Variants in PTPRK observed in about 807,000 individuals in gnomAD.
PTPRK encodes the protein protein tyrosine phosphatase receptor type K.
PTPRK carries 75 observed loss-of-function variants against 178.0 expected under a neutral mutation model. The ratio of observed to expected loss-of-function variants is 0.42; its 90% CI spans 0.35 to 0.51. The LOEUF (loss-of-function observed/expected upper bound fraction) is 0.51. Among genes scored for constraint, PTPRK ranks in the 20% least tolerant of loss-of-function variants. The pLI is 0.02. For missense variants in PTPRK, 1,441 were observed against 1,797.8 expected, an observed-to-expected ratio of 0.80 and a Z score of 3.59; for synonymous variants, 637 against 620.6, an observed-to-expected ratio of 1.03 and a Z score of -0.39.
chr6:128,241,355 C>G, intron 4 of PTPRK: 1 of 527,202 alleles, frequency 1.9e-6, no homozygotes, highest in Non-Finnish European at 3.9e-6. Flanking sequence ...TCAGGCCCCA[C>G]CCCAGACCTA....
intron 13 of PTPRK, among the ~76,000 whole-genome samples, chr6:128,031,281 T>C (rs1325777223): frequency 2.6e-5 from 4 of 152,202 alleles, no homozygotes; most frequent in African/African-American, 9.7e-5. Context: ...CACGACTGCT[T>C]TGTAGAACCC....
chr6:127,990,209 TC>T (rs1431654587), intron 21 of PTPRK, among the ~76,000 whole-genome samples: 1 of 152,108 alleles, frequency 6.6e-6, no homozygotes, highest in East Asian at 1.9e-4. Context: ...ATTTTGTATT[TC>T]TTTCCCCTTC....
At position 128,125,602 on chromosome 6, in the gene PTPRK, C is replaced by CTTT. The variant is rs869038931; in HGVS notation, c.1163-35613_1163-35611dup. Among the ~76,000 whole-genome samples, 9 of 68,380 alleles carry CTTT rather than the reference C, an allele frequency of 1.3e-4. 1 individual carries two copies. Among genetic ancestry groups the CTTT allele is most frequent in the South Asian group, 4.3e-4 (1 of 2,306 alleles). The allele number at this position is 68,380 out of a possible 152,430, so 44.9% of individuals were successfully genotyped here. On this transcript the variant is annotated intron_variant, in intron 7 of 29. Coordinates refer to ENST00000368226, the MANE Select transcript of PTPRK (RefSeq NM_002844.4). ...CTAATACACTTGCCTTTGGGCTTTTCTTTTTTTTTTTTTTTTTTTTTTTTT... is the reference window on the plus strand; with the variant it reads ...CTAATACACTTGCCTTTGGGCTTTTCTTTTTTTTTTTTTTTTTTTTTTTTTTTT...
chr6:128,278,301 T>G (rs1297092364), intron 3 of PTPRK, among the ~76,000 whole-genome samples: 2 of 151,872 alleles, frequency 1.3e-5, no homozygotes, highest in Non-Finnish European at 2.9e-5. Flanking sequence ...GGATTACAGG[T>G]GCACACCACC....
intron 18 of PTPRK, among the ~76,000 whole-genome samples, chr6:127,994,642 G>A (rs1398786344): frequency 6.6e-6 from 1 of 151,666 alleles, no homozygotes; most frequent in Non-Finnish European, 1.5e-5. Flanking sequence ...TCTATATTTT[G>A]TTTGATAATT....
At chr6:127,994,513 C>T (rs547319232) in intron 18 of PTPRK, among the ~76,000 whole-genome samples, 2 of 151,852 alleles carry the variant, frequency 1.3e-5, no homozygotes, top group East Asian at 3.9e-4. Flanking sequence ...TTATTATCCC[C>T]ACTGCAAAGA....
chr6:128,314,089 C>T (rs2027311), intron 3 of PTPRK, among the ~76,000 whole-genome samples: 123,877 of 152,040 alleles, frequency 0.81, 52,960 homozygotes, highest in East Asian at 0.99. Context: ...AAGGTATTTC[C>T]CCTGATCTCT....
intron 7 of PTPRK, among the ~76,000 whole-genome samples, chr6:128,159,208 G>C (rs1434641222): frequency 6.6e-6 from 1 of 151,674 alleles, no homozygotes; most frequent in Non-Finnish European, 1.5e-5. Context: ...CAGAAAAAAA[G>C]AAATTCTGAA....
At chr6:128,173,278 T>C (rs543548490) in intron 7 of PTPRK, among the ~76,000 whole-genome samples, 10 of 152,122 alleles carry the variant, frequency 6.6e-5, no homozygotes, top group East Asian at 3.9e-4. Context: ...TATTTTTAAG[T>C]TATCTCTATG....
At chr6:128,173,045 C>T (rs1800534351) in intron 7 of PTPRK, among the ~76,000 whole-genome samples, 1 of 151,884 alleles carries the variant, frequency 6.6e-6, no homozygotes, top group Non-Finnish European at 1.5e-5. Flanking sequence ...TAGAAATATG[C>T]TCAACACACA....
chr6:128,269,005 G>A (rs1413704406), intron 3 of PTPRK, among the ~76,000 whole-genome samples: 10 of 151,852 alleles, frequency 6.6e-5, no homozygotes, highest in Non-Finnish European at 7.4e-5. Flanking sequence ...CATTCCTGAA[G>A]GGAATAATTA....
intron 5 of PTPRK, among the ~76,000 whole-genome samples, chr6:128,228,428 C>G (rs1417778475): frequency 6.8e-6 from 1 of 148,122 alleles, no homozygotes; most frequent in Non-Finnish European, 1.5e-5. Flanking sequence ...AGGTTGATCA[C>G]GAGGACAGGA....
At chr6:128,235,486 A>G (rs1813080688) in intron 5 of PTPRK, 2 of 377,890 alleles carry the variant, frequency 5.3e-6, no homozygotes, top group Non-Finnish European at 1.1e-5. Context: ...CATAGCTTCA[A>G]GTTATGAATC....
chr6:128,264,348 A>C (rs1291262648), intron 3 of PTPRK, among the ~76,000 whole-genome samples: 1 of 152,216 alleles, frequency 6.6e-6, no homozygotes, highest in East Asian at 1.9e-4. Flanking sequence ...CAGTTCTGTT[A>C]CTTCTAGGTA....
chr6:128,041,754 G>A (rs537727781), intron 13 of PTPRK, among the ~76,000 whole-genome samples: 12 of 151,652 alleles, frequency 7.9e-5, no homozygotes, highest in Non-Finnish European at 1.5e-4. Context: ...GTATATATAT[G>A]TGTGTATATG....
At chr6:128,468,595 A>T (rs1006439370) in intron 1 of PTPRK, among the ~76,000 whole-genome samples, 3 of 152,190 alleles carry the variant, frequency 2.0e-5, no homozygotes, top group African/African-American at 4.8e-5. Context: ...TTTCTAAAAT[A>T]GATTTGCAGA....
At chr6:128,299,178 T>C (rs973472477) in intron 3 of PTPRK, among the ~76,000 whole-genome samples, 3 of 152,088 alleles carry the variant, frequency 2.0e-5, no homozygotes, top group Admixed American at 1.3e-4. Context: ...GTGAAGGATA[T>C]CTTCAAGGAG....
chr6:128,363,631 C>G (rs1342250458), intron 2 of PTPRK, among the ~76,000 whole-genome samples: 1 of 152,114 alleles, frequency 6.6e-6, no homozygotes, highest in Non-Finnish European at 1.5e-5. Flanking sequence ...TGCAGTCTCA[C>G]TGGAAACAGA....
intron 1 of PTPRK, among the ~76,000 whole-genome samples, chr6:128,408,248 C>T (rs767107887): frequency 2.6e-5 from 4 of 151,970 alleles, no homozygotes; most frequent in South Asian, 2.1e-4. Flanking sequence ...AATAGTTGGG[C>T]GTGGTGGCGG....
Sources: allele counts gnomAD v4.1 joint callset (sites outside exome capture counted in the v4.1 genomes callset), GRCh38; gene constraint gnomAD v4.1.1; transcripts MANE v1.5; gene names NCBI Gene and HGNC (gene_info 2026-07-23, HGNC 2026-07-21).